The following RAB27A variants were observed in gnomAD, a reference collection of about 807,000 sequenced individuals.
RAB27A encodes the protein RAB27A, member RAS oncogene family.
A neutral mutation model predicts 20.8 loss-of-function variants in RAB27A; 17 were observed. The observed-to-expected ratio is 0.82, with a 90% CI of 0.56 to 1.23. RAB27A has a LOEUF of 1.23. Ranked by LOEUF, RAB27A falls within the 50% of genes most tolerant of loss-of-function variation. RAB27A has a pLI of 0.00. For synonymous variants in RAB27A, 85 were observed against 92.8 expected, an observed-to-expected ratio of 0.92 and a Z score of 0.48; for missense variants, 277 against 266.7, an observed-to-expected ratio of 1.04 and a Z score of -0.27.
intron 2 of RAB27A, among the ~76,000 whole-genome samples, chr15:55,262,847 G>A (rs371258855): frequency 9.9e-5 from 15 of 151,960 alleles, no homozygotes; most frequent in African/African-American, 1.7e-4. Context: ...GAGCCACCAC[G>A]CCCAGCCCAG....
chr15:55,266,507 C>G (rs1422833494), intron 2 of RAB27A, among the ~76,000 whole-genome samples: 1 of 152,102 alleles, frequency 6.6e-6, no homozygotes, highest in Admixed American at 6.5e-5. Flanking sequence ...AACTTCTTAA[C>G]AGACTAGTAT....
At chr15:55,216,442 A>G (rs929843920) in intron 6 of RAB27A, among the ~76,000 whole-genome samples, 1 of 151,802 alleles carries the variant, frequency 6.6e-6, no homozygotes, top group African/African-American at 2.4e-5. Flanking sequence ...CTGAGACGGG[A>G]GATCTCTTGA....
At chr15:55,246,538 T>C (rs1021786151) in intron 2 of RAB27A, among the ~76,000 whole-genome samples, 1 of 151,402 alleles carries the variant, frequency 6.6e-6, no homozygotes, top group African/African-American at 2.4e-5. Flanking sequence ...GAAAGTAAAT[T>C]CACCAAAACA....
intron 2 of RAB27A, among the ~76,000 whole-genome samples, chr15:55,313,003 C>T (rs1404021269): frequency 6.6e-6 from 1 of 152,190 alleles, no homozygotes; most frequent in African/African-American, 2.4e-5. Context: ...GAGCCCCGGT[C>T]CCAGAATGAG....
chr15:55,276,726 C>G (rs1897883623), intron 1 of RAB27A, among the ~76,000 whole-genome samples: 1 of 152,124 alleles, frequency 6.6e-6, no homozygotes, highest in African/African-American at 2.4e-5. Flanking sequence ...TTCTGAAAAG[C>G]TATTATACAG....
chr15:55,302,850 C>T (rs1427443414), intron 2 of RAB27A, among the ~76,000 whole-genome samples: 1 of 139,564 alleles, frequency 7.2e-6, no homozygotes, highest in African/African-American at 2.8e-5. Context: ...ACCACCCCGT[C>T]TGAGAAGTGA....
intron 5 of RAB27A, among the ~76,000 whole-genome samples, chr15:55,227,810 C>T (rs1272838997): frequency 1.3e-5 from 2 of 152,150 alleles, no homozygotes; most frequent in Admixed American, 6.5e-5. Context: ...CTTTCATAAT[C>T]CCAAAACAGT....
At chr15:55,288,318 C>T (rs1438242282) in intron 1 of RAB27A, among the ~76,000 whole-genome samples, 1 of 151,960 alleles carries the variant, frequency 6.6e-6, no homozygotes, top group Non-Finnish European at 1.5e-5. Context: ...GTCAGGAGTT[C>T]AAGACCAGCC....
chr15:55,240,143 A>C (rs990309534), intron 2 of RAB27A, among the ~76,000 whole-genome samples: 5 of 152,172 alleles, frequency 3.3e-5, no homozygotes, highest in Non-Finnish European at 7.4e-5. Context: ...TAGTATTCCT[A>C]GGGCCTGTTT....
intron 1 of RAB27A, among the ~76,000 whole-genome samples, chr15:55,272,416 C>A (rs913018168): frequency 5.9e-5 from 9 of 151,686 alleles, no homozygotes; most frequent in Non-Finnish European, 1.0e-4. Flanking sequence ...CAAAAACAAA[C>A]AAAAAAAATC....
chr15:55,283,269 C>T (rs1290289238), intron 1 of RAB27A, among the ~76,000 whole-genome samples: 1 of 152,128 alleles, frequency 6.6e-6, no homozygotes, highest in African/African-American at 2.4e-5. Context: ...GCTAAATGTC[C>T]CATGTGGGGT....
At chr15:55,205,764 C>T in intron 6 of RAB27A, 59 bp from the exon 7 acceptor site, 2 of 1,419,096 alleles carry the variant, frequency 1.4e-6, no homozygotes, top group African/African-American at 1.4e-5. Context: ...GTGACCTTTG[C>T]TCTTGATAAT....
intron 2 of RAB27A, among the ~76,000 whole-genome samples, chr15:55,297,670 A>G (rs1017621123): frequency 4.6e-5 from 7 of 152,148 alleles, no homozygotes; most frequent in Non-Finnish European, 8.8e-5. Flanking sequence ...AGAAGAGGAA[A>G]TTGGCTTCCT....
rs1895903423 is a variant in RAB27A at position 55,228,606 on chromosome 15, T to C, written c.343+3A>G. ...CAGGACACTGGGGAACAATAACACT[T>C]ACTTATCCAGTTTCTGACATTGAGG... On this transcript the variant is annotated splice_donor_region_variant and intron_variant, in intron 5 of 6. Coordinates refer to ENST00000336787, the MANE Select transcript of RAB27A (RefSeq NM_183235.3). 1.9e-6 allele frequency: 3 copies of C among 1,582,834 alleles called. No individual in the cohort carries two copies. Among genetic ancestry groups the C allele is most frequent in the South Asian group, 1.1e-5 (1 of 90,436 alleles).
intron 2 of RAB27A, among the ~76,000 whole-genome samples, chr15:55,299,982 G>A (rs567301281): frequency 5.9e-5 from 9 of 151,778 alleles, no homozygotes; most frequent in East Asian, 5.9e-4. Context: ...CACCACACCC[G>A]GCTAATTTTT....
intron 1 of RAB27A, among the ~76,000 whole-genome samples, chr15:55,282,458 G>A (rs1898040993): frequency 6.6e-6 from 1 of 152,158 alleles, no homozygotes; most frequent in African/African-American, 2.4e-5. Flanking sequence ...GGCAAAATGG[G>A]ATGATGACTC....
chr15:55,223,702 C>A (rs1407552463), intron 6 of RAB27A, among the ~76,000 whole-genome samples, 187 bp downstream of exon 6: 1 of 152,134 alleles, frequency 6.6e-6, no homozygotes, highest in Admixed American at 6.5e-5. Context: ...CTGAAGGAGG[C>A]CCTTGCCACA....
At chr15:55,210,146 T>TATACATACATATACAC (rs1417831612) in intron 6 of RAB27A, among the ~76,000 whole-genome samples, 141 of 83,098 alleles carry the variant, frequency 1.7e-3, no homozygotes, top group African/African-American at 0.013. Context: ...TATATGTATG[T>TATACATACATATACAC]GTATGTATAC....
intron 2 of RAB27A, among the ~76,000 whole-genome samples, chr15:55,243,917 TA>T (rs1896589145): frequency 6.6e-6 from 1 of 152,184 alleles, no homozygotes; most frequent in Non-Finnish European, 1.5e-5. Context: ...GCTTCTCTCA[TA>T]AACATAACAC....
Sources: gnomAD v4.1 joint callset for allele counts (sites outside exome capture counted in the v4.1 genomes callset) on GRCh38, gnomAD v4.1.1 for gene constraint, MANE v1.5 for transcripts, NCBI Gene and HGNC (gene_info 2026-07-23, HGNC 2026-07-21) for gene names.